CSMD3: variants seen among roughly 807,000 people sequenced by gnomAD.
The protein encoded by CSMD3 is CUB and sushi domain-containing protein 3.
CSMD3 carries 177 observed loss-of-function variants against 435.2 expected under a neutral mutation model. The observed-to-expected ratio is 0.41, with a 90% CI of 0.36 to 0.46. CSMD3 has a LOEUF of 0.46. CSMD3 is among the 20% of genes least tolerant of loss of function. The pLI is 0.34. For missense variants in CSMD3, 4,265 were observed against 4,504.6 expected (o/e 0.95, Z 1.52); for synonymous variants, 1,656 against 1,520.5 (o/e 1.09, Z -2.07).
chr8:112,348,273 C>G (rs541351369), intron 40 of CSMD3, among the ~76,000 whole-genome samples: 1 of 152,198 alleles, frequency 6.6e-6, no homozygotes, highest in East Asian at 1.9e-4. Context: ...CCATTACACT[C>G]TTTTTGTTAG....
At chr8:113,103,324 T>C (rs867092636) in intron 4 of CSMD3, among the ~76,000 whole-genome samples, 25 of 152,168 alleles carry the variant, frequency 1.6e-4, no homozygotes, top group Admixed American at 2.6e-4. Flanking sequence ...ACTCTTGTTC[T>C]AGGAAAAGTA....
At chr8:112,398,296 T>C (rs1831022175) in intron 35 of CSMD3, among the ~76,000 whole-genome samples, 1 of 152,150 alleles carries the variant, frequency 6.6e-6, no homozygotes, top group Admixed American at 6.5e-5. Flanking sequence ...GAGGTTATAG[T>C]CTTACTTCTG....
At chr8:113,226,409 G>T (rs1187915523) in intron 3 of CSMD3, among the ~76,000 whole-genome samples, 1 of 151,528 alleles carries the variant, frequency 6.6e-6, no homozygotes, top group African/African-American at 2.4e-5. Context: ...ACATTATATA[G>T]ATATACTGCA....
intron 38 of CSMD3, among the ~76,000 whole-genome samples, chr8:112,369,947 A>G (rs1283234979): frequency 8.6e-5 from 5 of 58,120 alleles, no homozygotes; most frequent in African/African-American, 1.5e-4. Context: ...GAAGAAGAAG[A>G]GGGGGAGGAG....
intron 59 of CSMD3, among the ~76,000 whole-genome samples, chr8:112,267,478 T>A (rs867006069): frequency 5.3e-5 from 8 of 152,128 alleles, no homozygotes; most frequent in South Asian, 4.1e-4. Flanking sequence ...TTTTTATAGT[T>A]TAAAAATTTA....
intron 3 of CSMD3, among the ~76,000 whole-genome samples, chr8:113,223,262 C>A (rs1057349562): frequency 1.7e-4 from 26 of 150,374 alleles, no homozygotes; most frequent in African/African-American, 6.3e-4. Context: ...ATTGTTAGCT[C>A]AATGAAATTT....
chr8:113,120,396 T>A (rs2090953653), intron 4 of CSMD3, among the ~76,000 whole-genome samples: 1 of 152,176 alleles, frequency 6.6e-6, no homozygotes, highest in Admixed American at 6.5e-5. Context: ...ATGCATGTTT[T>A]ATTATTTATT....
intron 31 of CSMD3, among the ~76,000 whole-genome samples, chr8:112,479,946 G>A (rs1195169626): frequency 6.6e-6 from 1 of 152,156 alleles, no homozygotes; most frequent in African/African-American, 2.4e-5. Context: ...ACCCTATAAT[G>A]GCAGAGGCAC....
chr8:113,041,850 T>G (rs962131651), intron 5 of CSMD3, among the ~76,000 whole-genome samples: 4 of 152,200 alleles, frequency 2.6e-5, no homozygotes, highest in African/African-American at 9.6e-5. Flanking sequence ...ATTAAAATTT[T>G]TAATCAGTCT....
At chr8:113,077,640 T>A (rs993174237) in intron 5 of CSMD3, among the ~76,000 whole-genome samples, 4 of 152,088 alleles carry the variant, frequency 2.6e-5, no homozygotes, top group Middle Eastern at 3.2e-3. Context: ...GAGGCAGAGG[T>A]TGCAGTGAGC....
intron 24 of CSMD3, among the ~76,000 whole-genome samples, chr8:112,563,965 C>G (rs1459521411): frequency 6.6e-6 from 1 of 151,902 alleles, no homozygotes; most frequent in Non-Finnish European, 1.5e-5. Context: ...CACTTTTAAA[C>G]TAAAAAAGAA....
In CSMD3 at chr8:113,376,265, T is replaced by C. The variant is rs2094382215; in HGVS notation, c.178+60412A>G. Among the ~76,000 whole-genome samples, 4 of 152,298 alleles carry C rather than the reference T, an allele frequency of 2.6e-5. No individual in the cohort carries two copies. In the South Asian group the frequency reaches 8.3e-4, roughly 32 times the overall value. Reference sequence around the variant, plus strand: ...CCTTTGAGGCATAAAAGTTATTTGATTGATGTACAAATTTCTAATAATTAT... The same window carrying C: ...CCTTTGAGGCATAAAAGTTATTTGACTGATGTACAAATTTCTAATAATTAT... On this transcript the variant is annotated intron_variant, in intron 1 of 70. Transcript: ENST00000297405.
intron 45 of CSMD3, among the ~76,000 whole-genome samples, chr8:112,327,330 A>G (rs911821841): frequency 1.2e-4 from 19 of 152,184 alleles, no homozygotes; most frequent in Admixed American, 3.3e-4. Flanking sequence ...AGGATCATAG[A>G]CAAACTGGAA....
intron 22 of CSMD3, among the ~76,000 whole-genome samples, chr8:112,627,406 G>T (rs1333784237): frequency 6.6e-6 from 1 of 151,970 alleles, no homozygotes; most frequent in East Asian, 1.9e-4. Context: ...ATTCTTTCTC[G>T]TGTGAGAGTC....
At chr8:113,390,899 C>T (rs544163539) in intron 1 of CSMD3, among the ~76,000 whole-genome samples, 2 of 151,874 alleles carry the variant, frequency 1.3e-5, no homozygotes, top group African/African-American at 4.8e-5. Context: ...TAGAAGAAAT[C>T]AGCTTATGCC....
chr8:112,634,788 G>A (rs773707556), intron 22 of CSMD3, among the ~76,000 whole-genome samples: 1 of 150,954 alleles, frequency 6.6e-6, no homozygotes, highest in South Asian at 2.1e-4. Flanking sequence ...GCATGTATTC[G>A]GTTACTCTGA....
chr8:112,361,462 A>G (rs1398225041), intron 38 of CSMD3, among the ~76,000 whole-genome samples: 1 of 150,820 alleles, frequency 6.6e-6, no homozygotes, highest in East Asian at 1.9e-4. Flanking sequence ...TTCTGTTCAC[A>G]AAGCAATCAA....
Position 113,224,192 on chromosome 8 carries a change from G to A in CSMD3, c.515-50276C>T, listed in dbSNP as rs1180144328. Among the ~76,000 whole-genome samples, 3 of 151,046 alleles carry A rather than the reference G, an allele frequency of 2.0e-5. No homozygotes were observed. In the Admixed American group the frequency reaches 2.0e-4, roughly 10 times the overall value. ...TATTCTGTGCTTAATATTGTTTTAGGTTCTGCTTTTTAAAACCTCAACATT... is the reference window on the plus strand; with the variant it reads ...TATTCTGTGCTTAATATTGTTTTAGATTCTGCTTTTTAAAACCTCAACATT... On this transcript the variant is annotated intron_variant, in intron 3 of 70. Coordinates refer to ENST00000297405, the MANE Select transcript of CSMD3 (RefSeq NM_198123.2).
chr8:112,430,097 A>C (rs1301606574), intron 32 of CSMD3, among the ~76,000 whole-genome samples: 1 of 152,048 alleles, frequency 6.6e-6, no homozygotes, highest in Non-Finnish European at 1.5e-5. Context: ...CAAGGCTGGG[A>C]GAAAAGCAAA....
Sources: allele counts gnomAD v4.1 joint callset (sites outside exome capture counted in the v4.1 genomes callset), GRCh38; gene constraint gnomAD v4.1.1; transcripts MANE v1.5; gene names NCBI Gene and HGNC (gene_info 2026-07-23, HGNC 2026-07-21).